MCCC2: variants seen among roughly 807,000 people sequenced by gnomAD.
MCCC2 encodes the protein methylcrotonoyl-CoA carboxylase beta chain, mitochondrial.
Under a neutral mutation model 77.2 loss-of-function variants are expected in MCCC2, and 52 were observed. The observed-to-expected ratio is 0.67, with a 90% CI of 0.54 to 0.85. The LOEUF is 0.85. Ranked by LOEUF, MCCC2 falls within the 40% of genes least tolerant of loss-of-function variation. MCCC2 has a pLI of 0.00. For synonymous variants in MCCC2, 253 were observed against 248.4 expected, an observed-to-expected ratio of 1.02 and a Z score of -0.18; for missense variants, 682 against 703.2, an observed-to-expected ratio of 0.97 and a Z score of 0.34.
chr5:71,642,267 G>A (rs1018892989), intron 11 of MCCC2, among the ~76,000 whole-genome samples: 16 of 151,992 alleles, frequency 1.1e-4, no homozygotes, highest in African/African-American at 3.4e-4. Flanking sequence ...GGGGGTGGCG[G>A]ATAAGAAGGA....
chr5:71,587,639 C>T, intron 1 of MCCC2, 85 bp downstream of exon 1: 1 of 1,485,206 alleles, frequency 6.7e-7, no homozygotes. Context: ...AACTGCTGCT[C>T]TCTTGTCCGG....
chr5:71,642,141 A>T (rs943724668), intron 11 of MCCC2, among the ~76,000 whole-genome samples: 1 of 152,172 alleles, frequency 6.6e-6, no homozygotes, highest in Non-Finnish European at 1.5e-5. Flanking sequence ...CCTAGAGTAC[A>T]CAACCTGGTT....
chr5:71,646,304 T>C, intron 13 of MCCC2, 27 bp downstream of exon 13: 2 of 1,600,802 alleles, frequency 1.2e-6, no homozygotes, highest in Non-Finnish European at 8.6e-7. Flanking sequence ...ATCAGTTTGG[T>C]TGTATTGATT....
intron 6 of MCCC2, among the ~76,000 whole-genome samples, chr5:71,607,501 A>G (rs1193963592): frequency 4.2e-4 from 60 of 144,364 alleles, no homozygotes; most frequent in African/African-American, 1.5e-3. Flanking sequence ...CGGTCTATCA[A>G]TTTTGTTGAT....
intron 8 of MCCC2, among the ~76,000 whole-genome samples, chr5:71,633,129 A>T (rs866158216): frequency 0.15 from 11,955 of 80,022 alleles, 1,678 homozygotes; most frequent in Admixed American, 0.22. Flanking sequence ...ATATATATAT[A>T]TATTTTTATT....
intron 3 of MCCC2, among the ~76,000 whole-genome samples, chr5:71,597,557 C>G (rs1440410989): frequency 1.3e-5 from 2 of 151,908 alleles, no homozygotes; most frequent in African/African-American, 4.8e-5. Context: ...GGCAGGAGTG[C>G]AGGGTTCTGG....
chr5:71,605,432 T>A (rs1221524959), intron 6 of MCCC2, among the ~76,000 whole-genome samples: 2 of 152,126 alleles, frequency 1.3e-5, no homozygotes, highest in Non-Finnish European at 2.9e-5. Context: ...TGGGGTTGTT[T>A]GTTTTTTTCT....
chr5:71,612,514 A>G (rs142018454), intron 6 of MCCC2, among the ~76,000 whole-genome samples: 29 of 152,200 alleles, frequency 1.9e-4, no homozygotes, highest in African/African-American at 7.0e-4. Context: ...TCTCCATTTA[A>G]TCTGGTATTA....
At position 71,592,928 on chromosome 5, in the gene MCCC2, G is replaced by T. The variant is rs745494567; in HGVS notation, c.132G>T (p.Glu44Asp). The change falls in exon 2 of 17, where the codon GAG (glutamate) becomes GAT (aspartate). Residue 44 changes from glutamate (E) to aspartate (D), a missense_variant and splice_region_variant. Physicochemically the swap from Glu to Asp is conservative, Grantham distance 45 (BLOSUM62 2). Transcript: ENST00000340941. ...QPDLGSALYQ[E>D]NYKQMKALVN... ...TGTCTCCTCTATTTCTGTTTTAGGA[G>T]AACTACAAGCAGATGAAAGCACTAG... 1 of 1,609,686 alleles carries T rather than the reference G, an allele frequency of 6.2e-7. No homozygotes were observed. Among genetic ancestry groups the T allele is most frequent in the South Asian group, 1.1e-5 (1 of 90,954 alleles).
At chr5:71,627,245 A>G (rs533000689) in intron 7 of MCCC2, among the ~76,000 whole-genome samples, 4 of 152,274 alleles carry the variant, frequency 2.6e-5, no homozygotes, top group Admixed American at 6.5e-5. Flanking sequence ...TCATCCATCA[A>G]TCGATATTTG....
intron 15 of MCCC2, among the ~76,000 whole-genome samples, chr5:71,650,951 A>T (rs1341763792): frequency 6.6e-6 from 1 of 151,984 alleles, no homozygotes; most frequent in African/African-American, 2.4e-5. Context: ...GCCCGGCCTA[A>T]TTTTTGTATT....
chr5:71,627,758 G>A (rs891018970), intron 7 of MCCC2, among the ~76,000 whole-genome samples: 1 of 151,836 alleles, frequency 6.6e-6, no homozygotes, highest in African/African-American at 2.4e-5. Context: ...AGCCATCTTT[G>A]GGGGTGTGAG....
At chr5:71,640,326 T>A (rs891305908) in intron 10 of MCCC2, among the ~76,000 whole-genome samples, 1 of 152,018 alleles carries the variant, frequency 6.6e-6, no homozygotes, top group Non-Finnish European at 1.5e-5. Flanking sequence ...TTTATCCTTT[T>A]ATTTTTTTTT....
At chr5:71,631,008 A>G (rs1225453071) in intron 7 of MCCC2, among the ~76,000 whole-genome samples, 1 of 152,134 alleles carries the variant, frequency 6.6e-6, no homozygotes, top group African/African-American at 2.4e-5. Flanking sequence ...CTCTGGCTAT[A>G]ATTAAGTTAT....
chr5:71,602,423 G>T, intron 4 of MCCC2, 83 bp from the exon 5 acceptor site: 2 of 1,558,064 alleles, frequency 1.3e-6, no homozygotes, highest in Non-Finnish European at 1.8e-6. Context: ...GTTGAAGGTT[G>T]TATTGGGGTA....
At chr5:71,594,494 C>G (rs1230433985) in intron 2 of MCCC2, among the ~76,000 whole-genome samples, 2 of 148,204 alleles carry the variant, frequency 1.3e-5, no homozygotes, top group Non-Finnish European at 3.0e-5. Flanking sequence ...TGCCATTGCA[C>G]TCTAGCCTGG....
chr5:71,597,849 T>C (rs1337748042), intron 3 of MCCC2, among the ~76,000 whole-genome samples: 1 of 152,210 alleles, frequency 6.6e-6, no homozygotes. Context: ...TCCCTCCTAA[T>C]GTATCTTGAC....
chr5:71,604,927 C>A (rs1419507252), intron 6 of MCCC2, among the ~76,000 whole-genome samples: 1 of 143,816 alleles, frequency 7.0e-6, no homozygotes, highest in African/African-American at 2.6e-5. Context: ...TTTTTTATGG[C>A]TGCATAGTAT....
At chr5:71,592,784 G>A in intron 1 of MCCC2, 142 bp from the exon 2 acceptor site, 1 of 702,190 alleles carries the variant, frequency 1.4e-6, no homozygotes, top group Non-Finnish European at 2.6e-6. Flanking sequence ...CAGCGTGGCT[G>A]CCACAGATGG....
Sources: allele counts gnomAD v4.1 joint callset (sites outside exome capture counted in the v4.1 genomes callset), GRCh38; gene constraint gnomAD v4.1.1; transcripts MANE v1.5; gene names NCBI Gene and HGNC (gene_info 2026-07-23, HGNC 2026-07-21).